The following UBE2R2 variants were observed in gnomAD, a reference collection of about 807,000 sequenced individuals.
UBE2R2 encodes ubiquitin-conjugating enzyme E2 R2.
In UBE2R2, 1 loss-of-function variant was observed where a neutral mutation model predicts 27.8. The ratio of observed to expected loss-of-function variants is 0.04; its 90% CI spans 0.01 to 0.17. The LOEUF (loss-of-function observed/expected upper bound fraction) is 0.17. Ranked by LOEUF, UBE2R2 falls within the 10% of genes least tolerant of loss-of-function variation. The pLI, the probability that UBE2R2 is intolerant of heterozygous loss-of-function variation, is 1.00. For missense variants in UBE2R2, 100 were observed against 291.0 expected (o/e 0.34, Z 4.78); for synonymous variants, 106 against 113.3 (o/e 0.94, Z 0.41).
intron 1 of UBE2R2, among the ~76,000 whole-genome samples, chr9:33,826,512 C>G (rs930375126): frequency 1.3e-5 from 2 of 151,742 alleles, no homozygotes; most frequent in Non-Finnish European, 2.9e-5. Flanking sequence ...TTCTGGCTAA[C>G]ACGGTCAAAC....
At chr9:33,834,050 A>G (rs1472789792) in intron 1 of UBE2R2, among the ~76,000 whole-genome samples, 1 of 151,982 alleles carries the variant, frequency 6.6e-6, no homozygotes, top group African/African-American at 2.4e-5. Context: ...GGTTGTTCCC[A>G]CCTTTGGGTT....
intron 1 of UBE2R2, among the ~76,000 whole-genome samples, chr9:33,827,152 G>GGC (rs1820332441): frequency 6.6e-6 from 1 of 151,872 alleles, no homozygotes; most frequent in East Asian, 1.9e-4. Context: ...ATTATTTTTT[G>GGC]ACGCTGTTCG....
In UBE2R2 at chr9:33,835,271, C is replaced by T. The variant is rs1489372729; in HGVS notation, c.177+17337C>T. Among the ~76,000 whole-genome samples the T allele has an allele frequency of 7.9e-5, 12 of 151,270 alleles. No individual in the cohort carries two copies. In the East Asian group the frequency reaches 1.8e-3, roughly 22 times the overall value. Reference sequence around the variant, plus strand: ...AAGTGATTCTCTTGTCTCAGCCTCCCGAGTAGTTGGGACTACAGGCACCCA... The same window carrying T: ...AAGTGATTCTCTTGTCTCAGCCTCCTGAGTAGTTGGGACTACAGGCACCCA... On this transcript the variant is annotated intron_variant, in intron 1 of 4. Transcript: ENST00000263228.
At chr9:33,905,894 G>A (rs1463400611) in intron 3 of UBE2R2, among the ~76,000 whole-genome samples, 1 of 152,162 alleles carries the variant, frequency 6.6e-6, no homozygotes, top group East Asian at 1.9e-4. Context: ...CAGTAAGAGT[G>A]GTAGTAACAG....
At chr9:33,825,348 TCTC>T (rs1274625409) in intron 1 of UBE2R2, among the ~76,000 whole-genome samples, 2 of 150,908 alleles carry the variant, frequency 1.3e-5, no homozygotes, top group African/African-American at 2.5e-5. Flanking sequence ...TCCAAGCAAT[TCTC>T]CTCCTCAGCT....
intron 2 of UBE2R2, among the ~76,000 whole-genome samples, chr9:33,891,068 G>GTTTTTTTTTTTTTT (rs1587472245): frequency 2.9e-5 from 1 of 33,972 alleles, no homozygotes; most frequent in Admixed American, 2.8e-4. Context: ...TTTTTTTTTT[G>GTTTTTTTTTTTTTT]AGATGGAGTC....
At chr9:33,897,394 C>T (rs141894731) in intron 2 of UBE2R2, among the ~76,000 whole-genome samples, 2 of 145,910 alleles carry the variant, frequency 1.4e-5, no homozygotes, top group African/African-American at 2.6e-5. Flanking sequence ...CTCGGCTCAC[C>T]GCAACCTCCG....
At chr9:33,860,933 TAA>T (rs1293024396) in intron 1 of UBE2R2, among the ~76,000 whole-genome samples, 12 of 140,564 alleles carry the variant, frequency 8.5e-5, no homozygotes, top group East Asian at 4.7e-4. Flanking sequence ...AACCCTGTGT[TAA>T]GTTTTTTTTT....
intron 4 of UBE2R2, among the ~76,000 whole-genome samples, chr9:33,912,825 C>T (rs562657125): frequency 6.6e-6 from 1 of 152,168 alleles, no homozygotes; most frequent in South Asian, 2.1e-4. Flanking sequence ...ACTTTCTCCT[C>T]TGTATAAAAT....
At chr9:33,900,816 A>C (rs1222278089) in intron 3 of UBE2R2, among the ~76,000 whole-genome samples, 1 of 151,994 alleles carries the variant, frequency 6.6e-6, no homozygotes, top group Non-Finnish European at 1.5e-5. Flanking sequence ...AGTCCTCCCC[A>C]CTTGGCCTCC....
intron 1 of UBE2R2, among the ~76,000 whole-genome samples, chr9:33,883,226 T>C (rs1032459400): frequency 2.0e-5 from 3 of 152,222 alleles, no homozygotes; most frequent in Admixed American, 6.5e-5. Flanking sequence ...TTAAGAATTT[T>C]ATAGTTTCTC....
chr9:33,838,778 GT>G (rs1820669695), intron 1 of UBE2R2, among the ~76,000 whole-genome samples: 1 of 151,898 alleles, frequency 6.6e-6, no homozygotes. Context: ...CAGTATTATT[GT>G]TTTACATAGT....
intron 3 of UBE2R2, among the ~76,000 whole-genome samples, chr9:33,900,927 GTC>G (rs140918268): frequency 1.9e-4 from 28 of 149,458 alleles, no homozygotes; most frequent in Non-Finnish European, 1.8e-4. Context: ...CTCTGTCTCT[GTC>G]TCTCTCTCTC....
chr9:33,871,277 A>G (rs1303826724), intron 1 of UBE2R2, among the ~76,000 whole-genome samples: 1 of 152,222 alleles, frequency 6.6e-6, no homozygotes, highest in African/African-American at 2.4e-5. Context: ...ATATTGGTAC[A>G]TGGTAACATG....
chr9:33,833,289 T>C (rs1312141833), intron 1 of UBE2R2, among the ~76,000 whole-genome samples: 1 of 152,136 alleles, frequency 6.6e-6, no homozygotes, highest in Non-Finnish European at 1.5e-5. Flanking sequence ...ATGGTCTTGA[T>C]CTCCTGACCT....
chr9:33,873,503 CAAAGT>C (rs1183634888), intron 1 of UBE2R2, among the ~76,000 whole-genome samples: 1 of 152,098 alleles, frequency 6.6e-6, no homozygotes, highest in Non-Finnish European at 1.5e-5. Flanking sequence ...TGTATAACTG[CAAAGT>C]AAAGATGATA....
intron 1 of UBE2R2, among the ~76,000 whole-genome samples, chr9:33,846,305 A>C (rs892898421): frequency 6.6e-6 from 1 of 152,100 alleles, no homozygotes. Context: ...AAAATAAAAT[A>C]AAATATTCTA....
chr9:33,902,089 A>G (rs1822257166), intron 3 of UBE2R2, among the ~76,000 whole-genome samples: 1 of 151,036 alleles, frequency 6.6e-6, no homozygotes, highest in East Asian at 1.9e-4. Context: ...AAGATTTTGT[A>G]TTTTTTTTGT....
At chr9:33,911,747 G>GA (rs1279790056) in intron 3 of UBE2R2, among the ~76,000 whole-genome samples, 4 of 151,958 alleles carry the variant, frequency 2.6e-5, no homozygotes, top group East Asian at 1.9e-4. Context: ...TCTTAGTGCT[G>GA]AAAAAAATTT....
Sources: gnomAD v4.1 joint callset for allele counts (sites outside exome capture counted in the v4.1 genomes callset) on GRCh38, gnomAD v4.1.1 for gene constraint, MANE v1.5 for transcripts, NCBI Gene and HGNC (gene_info 2026-07-23, HGNC 2026-07-21) for gene names.